The following VWA2 variants were observed in gnomAD, a reference collection of about 807,000 sequenced individuals.
VWA2 encodes the protein von Willebrand factor A domain containing 2, also known as von Willebrand factor A domain-containing protein 2.
VWA2 carries 73 observed loss-of-function variants against 70.4 expected under a neutral mutation model. That is an observed-to-expected ratio of 1.04 (90% CI 0.86 to 1.26). The LOEUF (loss-of-function observed/expected upper bound fraction) is 1.26. Ranked by LOEUF, VWA2 falls within the 50% of genes most tolerant of loss-of-function variation. The pLI is 0.00. For synonymous variants in VWA2, 407 were observed against 423.3 expected (o/e 0.96, Z 0.47); for missense variants, 1,011 against 998.5 (o/e 1.01, Z -0.17).
intron 4 of VWA2, among the ~76,000 whole-genome samples, chr10:114,259,559 C>G (rs774748729): frequency 1.3e-5 from 2 of 151,192 alleles, no homozygotes; most frequent in Non-Finnish European, 2.9e-5. Flanking sequence ...TCTTTTTACA[C>G]GTTGAAATTT....
At chr10:114,255,235 T>A (rs550742526) in intron 4 of VWA2, among the ~76,000 whole-genome samples, 187 bp downstream of exon 4, 4 of 152,072 alleles carry the variant, frequency 2.6e-5, no homozygotes, top group Admixed American at 2.6e-4. Context: ...TTTTCTTTTT[T>A]TTTTTTTCCC....
intron 1 of VWA2, chr10:114,246,642 A>G (rs2037078932): frequency 6.5e-7 from 1 of 1,541,680 alleles, no homozygotes; most frequent in Middle Eastern, 2.3e-4. Context: ...AAGTACTTGA[A>G]CACCCCTGGA....
chr10:114,292,933 C>G lies in VWA2; in HGVS notation c.*1696C>G, dbSNP rs2039735677. Among the ~76,000 whole-genome samples, 1 of 152,208 alleles carries G rather than the reference C, an allele frequency of 6.6e-6. No individual in the cohort carries two copies. The highest frequency in any genetic ancestry group is 2.4e-5 in the African/African-American group (1 of 41,456). ...TGTTGGCCAGGCTAGTCTCGAACTTCTGACCTCAGGTGATCCCCCTGCCTT... is the reference window on the plus strand; with the variant it reads ...TGTTGGCCAGGCTAGTCTCGAACTTGTGACCTCAGGTGATCCCCCTGCCTT... On this transcript the variant is annotated 3_prime_UTR_variant, in exon 14 of 14. Transcript: ENST00000392982.
chr10:114,285,887 C>T (rs971291169), intron 10 of VWA2, 52 bp from the exon 11 acceptor site: 25 of 1,508,110 alleles, frequency 1.7e-5, no homozygotes, highest in East Asian at 1.6e-4. Flanking sequence ...TGGGACAGCT[C>T]GCATGCCGCA....
At chr10:114,276,105 G>T (rs1329873540) in intron 6 of VWA2, among the ~76,000 whole-genome samples, 2 of 152,184 alleles carry the variant, frequency 1.3e-5, no homozygotes, top group Non-Finnish European at 2.9e-5. Flanking sequence ...TTAGGGAGCT[G>T]CTCTGCCCAC....
Position 114,278,040 on chromosome 10 carries a change from C to A in VWA2, c.693C>A (p.Ala231=). The part of the protein sequence containing the change: ...TLSSSAICSS[A]TPDCRVEAHP... ...GCAGCTCGGCCATCTGCTCCAGCGCCACGCCAGGTAAGATCTTCCAGCCTG... is the reference window on the plus strand; with the variant it reads ...GCAGCTCGGCCATCTGCTCCAGCGCAACGCCAGGTAAGATCTTCCAGCCTG... The change falls in exon 7 of 14, where the codon GCC becomes GCA. Residue 231 remains alanine, a synonymous_variant. Transcript: ENST00000392982. 1 of 1,611,158 alleles carries A rather than the reference C, an allele frequency of 6.2e-7. No homozygotes were observed. Among genetic ancestry groups the A allele is most frequent in the Non-Finnish European group, 8.5e-7 (1 of 1,177,952 alleles).
chr10:114,254,922 G>A lies in VWA2; in HGVS notation c.135G>A (p.Trp45Ter). Residue 45 changes from tryptophan (W) to a stop codon, truncating the protein, a stop_gained, in exon 4 of 14, where the codon TGG (tryptophan) becomes TGA (stop). Coordinates refer to ENST00000392982, the MANE Select transcript of VWA2 (RefSeq NM_001272046.2). LOFTEE classifies it high-confidence loss of function. ...GKISAASKMM[W>*]CSAAVDIMFL... Reference sequence around the variant, plus strand: ...CTGTCCCGCTCTCCCTAGTGATGTGGTGCTCGGCTGCAGTGGACATCATGT... The same window carrying A: ...CTGTCCCGCTCTCCCTAGTGATGTGATGCTCGGCTGCAGTGGACATCATGT... 1 of 1,613,358 alleles carries A rather than the reference G, an allele frequency of 6.2e-7. No individual in the cohort carries two copies. The highest frequency in any genetic ancestry group is 8.5e-7 in the Non-Finnish European group (1 of 1,179,874).
At chr10:114,289,739 A>C in intron 12 of VWA2, 1 of 553,524 alleles carries the variant, frequency 1.8e-6, no homozygotes, top group Non-Finnish European at 3.2e-6. Flanking sequence ...GAATTTATGC[A>C]TTCCCTTTAA....
intron 5 of VWA2, among the ~76,000 whole-genome samples, chr10:114,264,071 C>A (rs553762942): frequency 6.6e-6 from 1 of 152,142 alleles, no homozygotes; most frequent in South Asian, 2.1e-4. Context: ...GTAAGTGGTG[C>A]CTGCCACATT....
At chr10:114,277,604 C>G (rs1036149400) in intron 6 of VWA2, among the ~76,000 whole-genome samples, 3 of 152,192 alleles carry the variant, frequency 2.0e-5, no homozygotes, top group East Asian at 1.9e-4. Flanking sequence ...CTATGGCTAT[C>G]GAGGTGTGCT....
chr10:114,285,069 T>C, intron 10 of VWA2, 99 bp downstream of exon 10: 1 of 1,001,872 alleles, frequency 1.0e-6, no homozygotes, highest in Non-Finnish European at 1.4e-6. Context: ...GGGTAGAAAC[T>C]GGCCCTTGAA....
intron 1 of VWA2, chr10:114,246,354 A>T: frequency 3.4e-6 from 2 of 583,038 alleles, no homozygotes; most frequent in South Asian, 4.0e-5. Context: ...TACAAAAATT[A>T]GCTGGGCGTG....
At chr10:114,244,697 T>G (rs996292860) in intron 1 of VWA2, among the ~76,000 whole-genome samples, 1 of 152,156 alleles carries the variant, frequency 6.6e-6, no homozygotes, top group Non-Finnish European at 1.5e-5. Context: ...GTAGGAAAAT[T>G]TTGATATGAG....
In VWA2 at chr10:114,278,632, C is replaced by T. The variant is rs148356854; in HGVS notation, c.701-87C>T. ...GAAGTGTGGTGGAACCTCCCAGGAG[C>T]GGGAGCAGCTGCTGGGGAAGCGTGT... On this transcript the variant is annotated intron_variant, in intron 7 of 13. Coordinates refer to ENST00000392982, the MANE Select transcript of VWA2 (RefSeq NM_001272046.2). 238 of 1,570,862 alleles carry T rather than the reference C, an allele frequency of 1.5e-4. 1 individual carries two copies. The African/African-American group carries it at 2.2e-3, about 14-fold the overall frequency.
At chr10:114,241,539 TA>T (rs1474388434) in intron 1 of VWA2, among the ~76,000 whole-genome samples, 1 of 152,234 alleles carries the variant, frequency 6.6e-6, no homozygotes, top group Admixed American at 6.5e-5. Context: ...ATGAGCATCA[TA>T]AAAACAGAAT....
chr10:114,253,615 C>T, intron 2 of VWA2, 36 bp from the exon 3 acceptor site: 1 of 1,593,720 alleles, frequency 6.3e-7, no homozygotes, highest in Non-Finnish European at 8.6e-7. Context: ...CCCCTCTCAG[C>T]ATTTTAATGG....
At chr10:114,246,065 C>CCCCA in intron 1 of VWA2, 1 of 426,970 alleles carries the variant, frequency 2.3e-6, no homozygotes, top group Non-Finnish European at 4.6e-6. Context: ...GACTACCTGC[C>CCCCA]CCCGCCCCCC....
Position 114,286,070 on chromosome 10 carries a change from G to T in VWA2, c.1129G>T (p.Asp377Tyr), listed in dbSNP as rs774194749. The T allele has an allele frequency of 2.5e-6, 4 of 1,614,032 alleles. No homozygotes were observed. In the East Asian group the frequency reaches 6.7e-5, roughly 27 times the overall value. ...KRFVRAVLSE[D>Y]SRARVGVATY... ...GTTTGTGCGGGCCGTGCTGAGCGAGGACTCTCGGGCCCGAGTGGGTGTGGC... is the reference window on the plus strand; with the variant it reads ...GTTTGTGCGGGCCGTGCTGAGCGAGTACTCTCGGGCCCGAGTGGGTGTGGC... The change falls in exon 11 of 14, where the codon GAC (aspartate) becomes TAC (tyrosine). Residue 377 changes from aspartate to tyrosine, a missense_variant. Asp to Tyr is a radical substitution (Grantham distance 160). Transcript: ENST00000392982.
In VWA2 at chr10:114,239,506, G is replaced by T. The variant is rs2036936212; in HGVS notation, c.-74G>T. Reference sequence around the variant, plus strand: ...GATCCCGTAGCGCCCCCTGGCCCGAGCCGCGCCCGGGTCTGTGAGTAGAGC... The same window carrying T: ...GATCCCGTAGCGCCCCCTGGCCCGATCCGCGCCCGGGTCTGTGAGTAGAGC... On this transcript the variant is annotated 5_prime_UTR_variant, in exon 1 of 14. Coordinates refer to ENST00000392982, the MANE Select transcript of VWA2 (RefSeq NM_001272046.2). 1 of 152,308 alleles carries T rather than the reference G, an allele frequency of 6.6e-6. No individual in the cohort carries two copies. The highest frequency in any genetic ancestry group is 2.4e-5 in the African/African-American group (1 of 41,446). 9.4% of individuals were successfully genotyped at this position (152,308 alleles called of 1,614,324 possible).
Sources: gnomAD v4.1 joint callset for allele counts (sites outside exome capture counted in the v4.1 genomes callset) on GRCh38, gnomAD v4.1.1 for gene constraint, MANE v1.5 for transcripts, NCBI Gene and HGNC (gene_info 2026-07-23, HGNC 2026-07-21) for gene names.